Variants in CLEC12B observed in about 807,000 individuals in gnomAD.
CLEC12B encodes the protein macrophage antigen h.
CLEC12B carries 25 observed loss-of-function variants against 36.1 expected under a neutral mutation model. The observed-to-expected ratio is 0.69, with a 90% CI of 0.50 to 0.97. CLEC12B has a LOEUF of 0.97. Among genes scored for constraint, CLEC12B ranks in the 50% least tolerant of loss-of-function variants. The pLI is 0.00. For missense variants in CLEC12B, 325 were observed against 318.4 expected (o/e 1.02, Z -0.16); for synonymous variants, 110 against 108.5 (o/e 1.01, Z -0.09).
At chr12:10,008,495 A>G (rs916697608), upstream of CLEC12B, among the ~76,000 whole-genome samples, 1 of 152,236 alleles carries the variant, frequency 6.6e-6, no homozygotes, top group Admixed American at 6.5e-5. Context: ...AAGATTTAAG[A>G]TAGTTGAAAA....
intron 2 of CLEC12B, chr12:10,013,308 G>A: frequency 5.3e-6 from 1 of 189,244 alleles, no homozygotes; most frequent in Non-Finnish European, 1.1e-5. Flanking sequence ...CTTCTCTAGT[G>A]GAGAGAAATC....
At chr12:10,010,194 TCTCTCTCACA>T (rs1271387338), upstream of CLEC12B, among the ~76,000 whole-genome samples, 2 of 65,690 alleles carry the variant, frequency 3.0e-5, no homozygotes, top group South Asian at 5.0e-4. Flanking sequence ...TCTCTCTGTC[TCTCTCTCACA>T]CACACACACA....
At chr12:10,006,555 T>C (rs371014574), upstream of CLEC12B, among the ~76,000 whole-genome samples, 6 of 151,636 alleles carry the variant, frequency 4.0e-5, no homozygotes, top group East Asian at 1.9e-4. Flanking sequence ...TGAGGGAGGA[T>C]TGGGTTGTGA....
upstream of CLEC12B, among the ~76,000 whole-genome samples, chr12:10,009,538 T>C (rs1865274138): frequency 6.6e-6 from 1 of 150,764 alleles, no homozygotes; most frequent in South Asian, 2.1e-4. Context: ...CTCCAAACAT[T>C]TTTTTGATTA....
At position 10,010,783 on chromosome 12, in the gene CLEC12B, G is replaced by A. The variant is rs112025545; in HGVS notation, c.24G>A (p.Ala8=). The part of the protein sequence containing the change: MSEEVTY[A]TLTFQDSAGA... ...CAATGTCTGAAGAAGTGACCTACGCGACACTCACATTTCAGGATTCTGCTG... is the reference window on the plus strand; with the variant it reads ...CAATGTCTGAAGAAGTGACCTACGCAACACTCACATTTCAGGATTCTGCTG... The change falls in exon 1 of 6, where the codon GCG becomes GCA. Residue 8 remains alanine, a synonymous_variant. Coordinates refer to ENST00000338896, the MANE Select transcript of CLEC12B (RefSeq NM_001129998.3). 23 of 1,608,214 alleles carry A rather than the reference G, an allele frequency of 1.4e-5. No homozygotes were observed. The highest frequency in any genetic ancestry group is 5.3e-5 in the African/African-American group (4 of 74,862).
At chr12:10,014,856 T>C (rs775134087) in intron 3 of CLEC12B, 115 bp downstream of exon 3, 2 of 700,054 alleles carry the variant, frequency 2.9e-6, no homozygotes, top group Non-Finnish European at 4.9e-6. Context: ...TGAACCTTAA[T>C]GATGTTGCAC....
upstream of CLEC12B, among the ~76,000 whole-genome samples, chr12:10,006,872 G>A (rs12296552): frequency 0.039 from 5,861 of 152,008 alleles, 364 homozygotes; most frequent in African/African-American, 0.13. Flanking sequence ...TGGCTAACAC[G>A]GTGAAACCCC....
At chr12:10,006,961 A>G (rs796517297), upstream of CLEC12B, among the ~76,000 whole-genome samples, 12 of 152,198 alleles carry the variant, frequency 7.9e-5, no homozygotes, top group African/African-American at 2.6e-4. Context: ...AGGCTGAGGC[A>G]GGGGAATGGC....
chr12:10,016,482 TAAATTCTTTCACAGACTATAAAACA>T (rs1865489854), intron 5 of CLEC12B: 1 of 206,912 alleles, frequency 4.8e-6, no homozygotes, highest in Non-Finnish European at 8.5e-6. Context: ...TTAGGTTTGC[TAAATTCTTTCACAGACTATAAAACA>T]AAAAATTTTG....
In CLEC12B at chr12:10,010,719, A is replaced by G. The variant is rs776127517; in HGVS notation, c.-41A>G. On this transcript the variant is annotated 5_prime_UTR_variant, in exon 1 of 6. Transcript: ENST00000338896. ...GCTGTTCCCAGGCCTCAAGATATTG[A>G]AACATTAATTAGATAATTTAAAGTA... is the stretch of plus-strand genomic sequence containing the variant. 12 of 1,326,972 alleles carry G rather than the reference A, an allele frequency of 9.0e-6. No homozygotes were observed. Among genetic ancestry groups the G allele is most frequent in the Middle Eastern group, 1.8e-4 (1 of 5,482 alleles). The allele number at this position is 1,326,972 out of a possible 1,614,324, so 82.2% of individuals were successfully genotyped here.
chr12:10,010,982 G>A (rs1409517200), intron 1 of CLEC12B, 132 bp downstream of exon 1: 1 of 578,644 alleles, frequency 1.7e-6, no homozygotes, highest in Non-Finnish European at 3.1e-6. Context: ...AAATAGTTGT[G>A]GAATGTATTA....
rs1307518284 is a variant in CLEC12B at position 10,015,117 on chromosome 12, A to T, written c.410-135A>T. 5 of 747,862 alleles carry T rather than the reference A, an allele frequency of 6.7e-6. No homozygotes were observed. In the East Asian group the frequency reaches 1.3e-4, roughly 19 times the overall value. The allele number at this position is 747,862 out of a possible 1,614,324, so 46.3% of individuals were successfully genotyped here. A position where few individuals can be genotyped will look rare whatever the true frequency, so the allele number is the denominator to read the frequency against. ...TAACCAGGGGTCACTTTTTTTTCAG[A>T]GGCTTCTAAAGCAGTATGCTTTCAG... On this transcript the variant is annotated intron_variant, in intron 3 of 5. Transcript: ENST00000338896.
At chr12:10,010,191 G>GTCTC (rs761413491), upstream of CLEC12B, among the ~76,000 whole-genome samples, 1,177 of 105,314 alleles carry the variant, frequency 0.011, 9 homozygotes, top group African/African-American at 0.028. Context: ...GTCTCTCTCT[G>GTCTC]TCTCTCTCTC....
At chr12:10,017,971 T>G in intron 5 of CLEC12B, 1 of 950,440 alleles carries the variant, frequency 1.1e-6, no homozygotes, top group Non-Finnish European at 1.3e-6. Context: ...TATTTTTATG[T>G]TTTTCTTCAT....
intron 2 of CLEC12B, 25 bp downstream of exon 2, chr12:10,012,908 AC>A (rs780666763): frequency 1.0e-5 from 15 of 1,497,430 alleles, no homozygotes; most frequent in Non-Finnish European, 1.4e-5. Flanking sequence ...ATCAAACCCA[AC>A]AAAGGCAACT....
upstream of CLEC12B, among the ~76,000 whole-genome samples, chr12:10,006,970 G>C (rs1265135088): frequency 6.6e-6 from 1 of 151,996 alleles, no homozygotes; most frequent in Non-Finnish European, 1.5e-5. Context: ...CAGGGGAATG[G>C]CATGAACCTG....
Position 10,014,542 on chromosome 12 carries a change from C to T in CLEC12B, c.210C>T (p.Asp70=). 3 of 1,612,996 alleles carry T rather than the reference C, an allele frequency of 1.9e-6. No individual in the cohort carries two copies. The highest frequency in any genetic ancestry group is 2.5e-6 in the Non-Finnish European group (3 of 1,179,142). The change falls in exon 3 of 6, where the codon GAC becomes GAT. Residue 70 remains aspartate, a synonymous_variant. Coordinates refer to ENST00000338896, the MANE Select transcript of CLEC12B (RefSeq NM_001129998.3). ...LGMMFLQISN[D]INSDSEKLSQ... The stretch of plus-strand genomic sequence containing the variant: ...TTGGAGTTTTGCAGATATCTAATGA[C>T]ATTAACTCAGATTCAGAGAAATTGA...
At chr12:10,016,658 A>C in intron 5 of CLEC12B, 3 of 228,752 alleles carry the variant, frequency 1.3e-5, no homozygotes, top group Non-Finnish European at 2.2e-5. Flanking sequence ...TACATAAGAG[A>C]TGTATATGTT....
chr12:10,011,265 G>C (rs1344955176), intron 1 of CLEC12B, among the ~76,000 whole-genome samples: 1 of 152,196 alleles, frequency 6.6e-6, no homozygotes, highest in Admixed American at 6.5e-5. Flanking sequence ...TTACTTAAGA[G>C]AAAACTGGAA....
Sources: gnomAD v4.1 joint callset for allele counts (sites outside exome capture counted in the v4.1 genomes callset) on GRCh38, gnomAD v4.1.1 for gene constraint, MANE v1.5 for transcripts, NCBI Gene and HGNC (gene_info 2026-07-23, HGNC 2026-07-21) for gene names.